Variants in EXOC4 observed in about 807,000 individuals in gnomAD.
EXOC4 encodes SEC8-like 1.
A neutral mutation model predicts 107.2 loss-of-function variants in EXOC4; 71 were observed. The observed-to-expected ratio is 0.66, with a 90% CI of 0.55 to 0.81. EXOC4 has a LOEUF of 0.81. Among genes scored for constraint, EXOC4 ranks in the 30% least tolerant of loss-of-function variants. The probability of loss-of-function intolerance (pLI) is 0.00; values close to 1 mark genes in which losing one functional copy is unlikely to be tolerated. For missense variants in EXOC4, 1,108 were observed against 1,189.6 expected, an observed-to-expected ratio of 0.93 and a Z score of 1.01; for synonymous variants, 456 against 441.2, an observed-to-expected ratio of 1.03 and a Z score of -0.42.
rs1563083648 is a variant in EXOC4 at position 133,992,301 on chromosome 7, G to A, written c.2207-5191G>A. Among the ~76,000 whole-genome samples the A allele has an allele frequency of 6.0e-5, 9 of 149,434 alleles. No homozygotes were observed. In the South Asian group the frequency reaches 1.7e-3, roughly 28 times the overall value. ...TTTTGTTTTGTTTGTTTGTTTTTTT[G>A]ATACAGGGTCTGACGCTGTTGCCTA... is the stretch of plus-strand genomic sequence containing the variant. On this transcript the variant is annotated intron_variant, in intron 14 of 17. Coordinates refer to ENST00000253861, the MANE Select transcript of EXOC4 (RefSeq NM_021807.4).
chr7:133,863,271 C>T (rs1263748938), intron 11 of EXOC4, among the ~76,000 whole-genome samples: 3 of 151,908 alleles, frequency 2.0e-5, no homozygotes, highest in Non-Finnish European at 4.4e-5. Flanking sequence ...CCTAGATATC[C>T]AAATGAATTT....
chr7:133,721,058 C>T (rs542045159), intron 10 of EXOC4, among the ~76,000 whole-genome samples: 13 of 152,162 alleles, frequency 8.5e-5, no homozygotes, highest in South Asian at 2.1e-4. Context: ...ATCCAATTAA[C>T]GGAAAATAGA....
intron 9 of EXOC4, among the ~76,000 whole-genome samples, chr7:133,564,992 T>A (rs902546354): frequency 2.6e-5 from 4 of 152,034 alleles, no homozygotes; most frequent in Non-Finnish European, 5.9e-5. Flanking sequence ...CATGTGAGAG[T>A]GGAATTGCGA....
chr7:133,289,106 C>G lies in EXOC4; in HGVS notation c.461C>G (p.Thr154Ser), dbSNP rs1431563477. 1 of 1,613,916 alleles carries G rather than the reference C, an allele frequency of 6.2e-7. No homozygotes were observed. Among genetic ancestry groups the G allele is most frequent in the African/African-American group, 1.3e-5 (1 of 75,056 alleles). Reference protein sequence around the residue: ...CMASKHYLSATDMLVSAVESL... With the variant: ...CMASKHYLSASDMLVSAVESL... ...GCCAGCAAGCACTATCTCAGTGCCA[C>G]TGACATGTTGGTAAGAGAACAGCCT... The change falls in exon 3 of 18, where the codon ACT becomes AGT. Residue 154 changes from threonine (T) to serine (S), a missense_variant. By Grantham distance (58) the Thr-to-Ser change is moderately conservative (BLOSUM62 1). Transcript: ENST00000253861.
chr7:133,882,316 C>A (rs1190872893), intron 11 of EXOC4, among the ~76,000 whole-genome samples: 1 of 152,164 alleles, frequency 6.6e-6, no homozygotes, highest in Admixed American at 6.5e-5. Context: ...TGTTTGAGAA[C>A]CAAACTACAG....
intron 11 of EXOC4, among the ~76,000 whole-genome samples, chr7:133,855,845 A>G (rs1196190205): frequency 6.6e-6 from 1 of 152,178 alleles, no homozygotes; most frequent in Non-Finnish European, 1.5e-5. Context: ...GCATCTGTCT[A>G]CAGAGAAGGC....
At chr7:133,354,254 T>C (rs1795975598) in intron 5 of EXOC4, among the ~76,000 whole-genome samples, 1 of 152,150 alleles carries the variant, frequency 6.6e-6, no homozygotes, top group Non-Finnish European at 1.5e-5. Flanking sequence ...TTTAATGATG[T>C]GGTGACTCCA....
chr7:133,508,135 G>C (rs574868430), intron 9 of EXOC4, among the ~76,000 whole-genome samples: 1 of 151,824 alleles, frequency 6.6e-6, no homozygotes, highest in South Asian at 2.1e-4. Flanking sequence ...TGACTACAAA[G>C]GTACCTAACT....
intron 6 of EXOC4, among the ~76,000 whole-genome samples, chr7:133,371,653 G>T (rs1386474302): frequency 6.6e-6 from 1 of 152,120 alleles, no homozygotes; most frequent in Non-Finnish European, 1.5e-5. Flanking sequence ...TATTTGGATT[G>T]TTTCCACCTT....
chr7:133,905,262 A>G (rs1799540963), intron 12 of EXOC4, among the ~76,000 whole-genome samples: 5 of 152,274 alleles, frequency 3.3e-5, no homozygotes, highest in African/African-American at 7.2e-5. Context: ...GGTGAAAAAC[A>G]TATCACCTTT....
chr7:133,593,980 A>C (rs1338749175), intron 9 of EXOC4, among the ~76,000 whole-genome samples: 1 of 152,202 alleles, frequency 6.6e-6, no homozygotes, highest in African/African-American at 2.4e-5. Context: ...GCCTGTGCCT[A>C]GCTGTAGATT....
intron 5 of EXOC4, among the ~76,000 whole-genome samples, chr7:133,333,746 GTCAACC>G (rs1795446566): frequency 6.6e-6 from 1 of 152,092 alleles, no homozygotes; most frequent in Admixed American, 6.5e-5. Flanking sequence ...CCAAATCCAT[GTCAACC>G]ACTGCAGTTC....
At chr7:133,298,491 A>T (rs78786721) in intron 3 of EXOC4, among the ~76,000 whole-genome samples, 1 of 152,080 alleles carries the variant, frequency 6.6e-6, no homozygotes, top group Admixed American at 6.5e-5. Flanking sequence ...GGTCTCTTCT[A>T]TTGGATTTTG....
intron 14 of EXOC4, among the ~76,000 whole-genome samples, chr7:133,992,643 G>C (rs1794291308): frequency 1.3e-5 from 2 of 151,394 alleles, no homozygotes; most frequent in Non-Finnish European, 2.9e-5. Context: ...CCAGTCCTAA[G>C]AGTTTTGGGG....
the EXOC4 span, among the ~76,000 whole-genome samples, chr7:134,087,156 T>C: frequency 6.6e-6 from 1 of 152,188 alleles, no homozygotes; most frequent in Non-Finnish European, 1.5e-5. Context: ...TCCACCCTTA[T>C]TCAAGATGGA....
chr7:133,941,683 T>A (rs984079857), intron 14 of EXOC4, among the ~76,000 whole-genome samples: 2 of 152,180 alleles, frequency 1.3e-5, no homozygotes, highest in African/African-American at 4.8e-5. Flanking sequence ...TGCTTAAGAT[T>A]CTTTCAGTTG....
rs574834796 is a variant in EXOC4 at position 133,451,200 on chromosome 7, T to C, written c.1183-24128T>C. ...TGGCTGTATTGTGTGTGGGTCCAGA[T>C]TTTTTTTTGGCATTGTGAAGCTTTT... is the stretch of plus-strand genomic sequence containing the variant. On this transcript the variant is annotated intron_variant, in intron 7 of 17. Transcript: ENST00000253861. Among the ~76,000 whole-genome samples, 87 of 148,220 alleles carry C rather than the reference T, an allele frequency of 5.9e-4. 1 individual carries two copies. Among genetic ancestry groups the C allele is most frequent in the Admixed American group, 4.8e-3 (69 of 14,352 alleles).
At chr7:133,928,616 C>T (rs1316322563) in intron 13 of EXOC4, among the ~76,000 whole-genome samples, 1 of 152,144 alleles carries the variant, frequency 6.6e-6, no homozygotes, top group Non-Finnish European at 1.5e-5. Flanking sequence ...CTCCACGCTG[C>T]ACCCTCCTCC....
intron 5 of EXOC4, among the ~76,000 whole-genome samples, chr7:133,339,749 C>CATTTT (rs1795614651): frequency 6.6e-6 from 1 of 151,954 alleles, no homozygotes; most frequent in Admixed American, 6.6e-5. Flanking sequence ...TATTTCTAAG[C>CATTTT]ATTTTATTTT....
Sources: allele counts gnomAD v4.1 joint callset (sites outside exome capture counted in the v4.1 genomes callset), GRCh38; gene constraint gnomAD v4.1.1; transcripts MANE v1.5; gene names NCBI Gene and HGNC (gene_info 2026-07-23, HGNC 2026-07-21).